FOXN3: variants seen among roughly 807,000 people sequenced by gnomAD.
The protein encoded by FOXN3 is forkhead box N3, also known as forkhead box protein N3.
In FOXN3, 7 loss-of-function variants were observed where a neutral mutation model predicts 38.4. The observed-to-expected ratio is 0.18, with a 90% CI of 0.10 to 0.34. The LOEUF is 0.34. Ranked by LOEUF, FOXN3 falls within the 10% of genes least tolerant of loss-of-function variation. FOXN3 has a pLI of 1.00. For missense variants in FOXN3, 456 were observed against 613.4 expected (o/e 0.74, Z 2.71); for synonymous variants, 230 against 242.2 (o/e 0.95, Z 0.47).
chr14:89,213,400 G>A (rs1884161978), intron 4 of FOXN3, among the ~76,000 whole-genome samples: 1 of 152,206 alleles, frequency 6.6e-6, no homozygotes, highest in South Asian at 2.1e-4. Context: ...AGAGCTGTGT[G>A]TACCATATTT....
intron 1 of FOXN3, among the ~76,000 whole-genome samples, chr14:89,428,338 C>A (rs1892085966): frequency 6.6e-6 from 1 of 152,170 alleles, no homozygotes; most frequent in South Asian, 2.1e-4. Flanking sequence ...TCACTCCTTC[C>A]CAAAATAGTG....
At chr14:89,289,977 A>G (rs1461604254) in intron 3 of FOXN3, among the ~76,000 whole-genome samples, 1 of 152,176 alleles carries the variant, frequency 6.6e-6, no homozygotes, top group Non-Finnish European at 1.5e-5. Context: ...TAAATCCATA[A>G]TGTTCACAAG....
intron 1 of FOXN3, among the ~76,000 whole-genome samples, chr14:89,447,584 G>A (rs1313792365): frequency 6.6e-6 from 1 of 152,022 alleles, no homozygotes; most frequent in African/African-American, 2.4e-5. Flanking sequence ...GCCACGAGGA[G>A]AAGTACCAAC....
At chr14:89,407,393 T>A (rs1891420521) in intron 2 of FOXN3, among the ~76,000 whole-genome samples, 1 of 152,214 alleles carries the variant, frequency 6.6e-6, no homozygotes, top group South Asian at 2.1e-4. Flanking sequence ...AACAGGGATA[T>A]CTGAATATGG....
chr14:89,199,733 T>C (rs1481014582), intron 4 of FOXN3, among the ~76,000 whole-genome samples: 1 of 152,018 alleles, frequency 6.6e-6, no homozygotes. Context: ...TGAAATCCCA[T>C]CTCTACTAAA....
intron 5 of FOXN3, among the ~76,000 whole-genome samples, chr14:89,170,123 C>T (rs1226097747): frequency 6.6e-6 from 1 of 152,176 alleles, no homozygotes; most frequent in African/African-American, 2.4e-5. Context: ...TCCAGATAAA[C>T]AGTCATTCAA....
intron 4 of FOXN3, chr14:89,183,902 A>T (rs1288349038): frequency 1.3e-5 from 2 of 152,230 alleles, no homozygotes; most frequent in Admixed American, 1.3e-4. Context: ...TGAGCAAGCT[A>T]CTTAAACTCC....
chr14:89,444,654 C>G (rs1892456939), intron 1 of FOXN3, among the ~76,000 whole-genome samples: 1 of 152,164 alleles, frequency 6.6e-6, no homozygotes, highest in South Asian at 2.1e-4. Context: ...CAGGTTTCAT[C>G]AGAAATAAGA....
intron 1 of FOXN3, among the ~76,000 whole-genome samples, chr14:89,522,930 T>TA (rs61658118): frequency 0.039 from 5,796 of 150,150 alleles, 330 homozygotes; most frequent in African/African-American, 0.13. Flanking sequence ...CAGATAAGAT[T>TA]AAAAAAAAAC....
chr14:89,591,866 A>G (rs1273465167), intron 1 of FOXN3, among the ~76,000 whole-genome samples: 4 of 152,220 alleles, frequency 2.6e-5, no homozygotes, highest in Non-Finnish European at 5.9e-5. Flanking sequence ...TTGGGGTTAT[A>G]CTGAGCTATG....
At chr14:89,283,427 C>G (rs1256798364) in intron 3 of FOXN3, among the ~76,000 whole-genome samples, 7 of 152,116 alleles carry the variant, frequency 4.6e-5, no homozygotes, top group Admixed American at 4.6e-4. Context: ...TTGATTTTTT[C>G]CCCCCTCCAT....
chr14:89,197,130 C>T (rs925642271), intron 4 of FOXN3, among the ~76,000 whole-genome samples: 1 of 152,192 alleles, frequency 6.6e-6, no homozygotes, highest in Non-Finnish European at 1.5e-5. Context: ...ATCTCTTTAA[C>T]TGAATAAAAG....
At chr14:89,441,072 T>C (rs137961101) in intron 1 of FOXN3, among the ~76,000 whole-genome samples, 149 of 152,232 alleles carry the variant, frequency 9.8e-4, no homozygotes, top group African/African-American at 3.4e-3. Flanking sequence ...TATGAGAAAG[T>C]GGCCGAGGCT....
In FOXN3 at chr14:89,180,754, A is replaced by T. The variant is rs1484504703; in HGVS notation, c.798T>A (p.Phe266Leu). The change falls in exon 5 of 6, where the codon TTT (phenylalanine) becomes TTA (leucine). Residue 266 changes from phenylalanine to leucine, a missense_variant. Physicochemically the swap from Phe to Leu is conservative, Grantham distance 22. Around this residue, in one of 3 missense-constraint regions of FOXN3, gnomAD observed 386 missense variants for 505.2 expected, o/e 0.76. Transcript: ENST00000557258. ...TGATTGGCAGCGGCCGCACGCCAGG[A>T]AACAGCCCTCGGCTCAGGACCCGCG... ...NGARVLSRGL[F>L]PGVRPLPITP... is the part of the protein sequence containing the mutation. The T allele has an allele frequency of 6.2e-7, 1 of 1,612,802 alleles. No homozygotes were observed. Among genetic ancestry groups the T allele is most frequent in the Non-Finnish European group, 8.5e-7 (1 of 1,179,480 alleles).
intron 1 of FOXN3, among the ~76,000 whole-genome samples, chr14:89,551,928 C>T (rs1895012649): frequency 6.6e-6 from 1 of 152,184 alleles, no homozygotes; most frequent in African/African-American, 2.4e-5. Context: ...AATTCTCATG[C>T]AACACCCCCA....
intron 1 of FOXN3, among the ~76,000 whole-genome samples, chr14:89,604,565 A>G (rs918995166): frequency 6.6e-6 from 1 of 152,238 alleles, no homozygotes; most frequent in African/African-American, 2.4e-5. Context: ...GAACAAAGGT[A>G]TAACATATGC....
chr14:89,543,038 G>A (rs1894821524), intron 1 of FOXN3, among the ~76,000 whole-genome samples: 1 of 91,140 alleles, frequency 1.1e-5, no homozygotes, highest in South Asian at 3.6e-4. Flanking sequence ...TACAAAAGGA[G>A]AAAAGACACT....
At chr14:89,430,130 T>C (rs1003038113) in intron 1 of FOXN3, among the ~76,000 whole-genome samples, 2 of 152,204 alleles carry the variant, frequency 1.3e-5, no homozygotes, top group Non-Finnish European at 2.9e-5. Flanking sequence ...AGGCTGACCT[T>C]AAAATGAAGC....
At chr14:89,491,574 C>T (rs1440416908) in intron 1 of FOXN3, among the ~76,000 whole-genome samples, 2 of 152,188 alleles carry the variant, frequency 1.3e-5, no homozygotes, top group African/African-American at 4.8e-5. Context: ...AGACGAGAAG[C>T]TGGAAAGAAA....
Sources: gnomAD v4.1 joint callset for allele counts (sites outside exome capture counted in the v4.1 genomes callset) on GRCh38, gnomAD v4.1.1 for gene constraint, gnomAD v4.1.1 regional missense constraint, MANE v1.5 for transcripts, NCBI Gene and HGNC (gene_info 2026-07-23, HGNC 2026-07-21) for gene names.